PCDHA6: variants seen among roughly 807,000 people sequenced by gnomAD.
PCDHA6 encodes protocadherin alpha-6.
Under a neutral mutation model 60.3 loss-of-function variants are expected in PCDHA6, and 55 were observed. The ratio of observed to expected loss-of-function variants is 0.91; its 90% CI spans 0.73 to 1.14. PCDHA6 has a LOEUF of 1.14. Among genes scored for constraint, PCDHA6 ranks in the 50% most tolerant of loss-of-function variants. The pLI, the probability that PCDHA6 is intolerant of heterozygous loss-of-function variation, is 0.00. For missense variants in PCDHA6, 1,327 were observed against 1,256.5 expected, an observed-to-expected ratio of 1.06 and a Z score of -0.85; for synonymous variants, 652 against 557.9, an observed-to-expected ratio of 1.17 and a Z score of -2.38.
chr5:140,918,621 T>C (rs1162983414), intron 1 of PCDHA6, among the ~76,000 whole-genome samples: 1 of 152,228 alleles, frequency 6.6e-6, no homozygotes, highest in Non-Finnish European at 1.5e-5. Flanking sequence ...AATGTTTGTG[T>C]TCCCCAAATT....
chr5:140,858,033 C>T (rs1249815194), intron 1 of PCDHA6: 2 of 1,597,066 alleles, frequency 1.3e-6, no homozygotes, highest in Non-Finnish European at 1.7e-6. Context: ...ACGGCCACGG[C>T]CACTGTGCTT....
chr5:140,835,733 C>T (rs2150243332), intron 1 of PCDHA6: 2 of 1,613,810 alleles, frequency 1.2e-6, no homozygotes. Context: ...ACGTGAACGA[C>T]AACGCCCCGG....
At chr5:140,915,638 C>CTCTT (rs1554197009) in intron 1 of PCDHA6, among the ~76,000 whole-genome samples, 3 of 151,724 alleles carry the variant, frequency 2.0e-5, no homozygotes, top group Admixed American at 1.3e-4. Context: ...CTCTCTCTCT[C>CTCTT]TCTCTCTCTC....
intron 3 of PCDHA6, chr5:140,989,054 A>G (rs1481333744): frequency 6.6e-6 from 1 of 152,214 alleles, no homozygotes; most frequent in African/African-American, 2.4e-5. Flanking sequence ...TGCCAGCTAC[A>G]TTGAGGCAAT....
intron 1 of PCDHA6, chr5:140,861,660 G>A: frequency 3.7e-6 from 1 of 269,190 alleles, no homozygotes; most frequent in Non-Finnish European, 7.4e-6. Context: ...TCTGAAACGA[G>A]AGCTCTTGAT....
At chr5:140,858,548 T>A in intron 1 of PCDHA6, 1 of 1,394,090 alleles carries the variant, frequency 7.2e-7, no homozygotes, top group African/African-American at 1.4e-5. Flanking sequence ...ATTCCATTTA[T>A]GCTTGAATAT....
At chr5:140,843,779 T>G (rs1779095351) in intron 1 of PCDHA6, 1 of 1,431,152 alleles carries the variant, frequency 7.0e-7, no homozygotes, top group African/African-American at 1.4e-5. Flanking sequence ...ACTTTAAAAG[T>G]GTTTCAGATT....
At chr5:140,957,871 G>C (rs1312915058) in intron 1 of PCDHA6, among the ~76,000 whole-genome samples, 1 of 151,864 alleles carries the variant, frequency 6.6e-6, no homozygotes, top group African/African-American at 2.4e-5. Flanking sequence ...CCTATTTTGT[G>C]CTGAAAAGCT....
At chr5:140,856,365 A>G in intron 1 of PCDHA6, 1 of 1,598,426 alleles carries the variant, frequency 6.3e-7, no homozygotes, top group Non-Finnish European at 8.6e-7. Flanking sequence ...ATCCACCTGG[A>G]GGTGATCGTG....
At chr5:140,850,839 T>A in intron 1 of PCDHA6, 1 of 1,597,606 alleles carries the variant, frequency 6.3e-7, no homozygotes, top group Non-Finnish European at 8.6e-7. Context: ...TTGTGCTGGA[T>A]CTACAGAGCG....
At chr5:141,001,025 TA>T (rs1300694860) in intron 3 of PCDHA6, among the ~76,000 whole-genome samples, 1 of 152,246 alleles carries the variant, frequency 6.6e-6, no homozygotes, top group African/African-American at 2.4e-5. Context: ...ACACTTATAA[TA>T]ATAGCTTTAA....
chr5:140,898,004 T>C (rs2066460029), intron 1 of PCDHA6, among the ~76,000 whole-genome samples: 1 of 152,210 alleles, frequency 6.6e-6, no homozygotes, highest in East Asian at 1.9e-4. Context: ...GAAGTGTCTG[T>C]TCATATCCTT....
chr5:140,997,668 TTG>T (rs35184029), intron 3 of PCDHA6, among the ~76,000 whole-genome samples: 38,693 of 147,760 alleles, frequency 0.26, 5,114 homozygotes, highest in Middle Eastern at 0.39. Flanking sequence ...ATTATACAGC[TTG>T]TGTGTGTGTG....
In PCDHA6 at chr5:141,010,434, A is replaced by G; in HGVS notation, c.*497A>G. 9.7e-7 allele frequency: 1 copy of G among 1,031,156 alleles called. No homozygotes were observed. Among genetic ancestry groups the G allele is most frequent in the Non-Finnish European group, 1.4e-6 (1 of 732,962 alleles). 63.9% of individuals were successfully genotyped at this position (1,031,156 alleles called of 1,614,324 possible). A position where few individuals can be genotyped will look rare whatever the true frequency, so the allele number is the denominator to read the frequency against. ...TTGGTACAAGGAAGGCAAGAAAACA[A>G]AGACAAATAAACAGCGGAAGTTATC... On this transcript the variant is annotated 3_prime_UTR_variant, in exon 4 of 4. Transcript: ENST00000529310.
In PCDHA6 at chr5:140,829,255, G is replaced by C. The variant is rs2150164788; in HGVS notation, c.1164G>C (p.Ser388=). The C allele has an allele frequency of 6.2e-6, 10 of 1,614,172 alleles. No individual in the cohort carries two copies. The highest frequency in any genetic ancestry group is 4.4e-5 in the South Asian group (4 of 91,062). The part of the protein sequence containing the change: ...DSGANGQVNC[S]LTPHVPFKLV... Reference sequence around the variant, plus strand: ...GTGCCAACGGGCAGGTGAACTGCTCGCTGACGCCTCACGTCCCTTTCAAGC... The same window carrying C: ...GTGCCAACGGGCAGGTGAACTGCTCCCTGACGCCTCACGTCCCTTTCAAGC... Residue 388 remains serine (S), a synonymous_variant, in exon 1 of 4, where the codon TCG becomes TCC. Transcript: ENST00000529310.
chr5:140,981,779 A>G (rs1231046614), intron 2 of PCDHA6, among the ~76,000 whole-genome samples: 2 of 151,974 alleles, frequency 1.3e-5, no homozygotes, highest in Non-Finnish European at 2.9e-5. Flanking sequence ...ATACTGCACC[A>G]TGTTCTCTTT....
chr5:140,859,139 T>G (rs2045740585), intron 1 of PCDHA6: 1 of 150,214 alleles, frequency 6.7e-6, no homozygotes, highest in African/African-American at 2.4e-5. Context: ...TTACATAATT[T>G]TATCCAGTAG....
chr5:140,988,363 C>T (rs782342714), intron 3 of PCDHA6, among the ~76,000 whole-genome samples: 25 of 152,132 alleles, frequency 1.6e-4, no homozygotes, highest in Admixed American at 4.6e-4. Context: ...CTTTTACTTT[C>T]TGGGGTTGTG....
chr5:140,854,238 G>A (rs2043048996), intron 1 of PCDHA6: 1 of 636,222 alleles, frequency 1.6e-6, no homozygotes, highest in Non-Finnish European at 2.0e-6. Flanking sequence ...GGATATTTAT[G>A]TTATCACTTG....
Sources: gnomAD v4.1 joint callset for allele counts (sites outside exome capture counted in the v4.1 genomes callset) on GRCh38, gnomAD v4.1.1 for gene constraint, MANE v1.5 for transcripts, NCBI Gene and HGNC (gene_info 2026-07-23, HGNC 2026-07-21) for gene names.